Variants in DMRT1 observed in about 807,000 individuals in gnomAD.
DMRT1 encodes the protein doublesex- and mab-3-related transcription factor 1.
In DMRT1, 7 loss-of-function variants were observed where a neutral mutation model predicts 32.3. The ratio of observed to expected loss-of-function variants is 0.22; its 90% CI spans 0.12 to 0.41. The LOEUF is 0.41. DMRT1 is among the 10% of genes least tolerant of loss of function. DMRT1 has a pLI of 1.00. For missense variants in DMRT1, 625 were observed against 500.5 expected (o/e 1.25, Z -2.37); for synonymous variants, 278 against 206.1 (o/e 1.35, Z -2.99).
chr9:910,405 A>G (rs543508628), intron 3 of DMRT1, among the ~76,000 whole-genome samples: 2 of 152,206 alleles, frequency 1.3e-5, no homozygotes, highest in East Asian at 1.9e-4. Context: ...CTAGATGACA[A>G]TTTGGTCTTC....
chr9:874,792 C>G (rs36063569), intron 2 of DMRT1, among the ~76,000 whole-genome samples: 34,738 of 145,626 alleles, frequency 0.24, 4,435 homozygotes, highest in East Asian at 0.39. Flanking sequence ...ACAACAACAA[C>G]AAGTTAATCT....
chr9:850,627 T>G (rs1260903446), intron 2 of DMRT1, among the ~76,000 whole-genome samples: 1 of 152,208 alleles, frequency 6.6e-6, no homozygotes, highest in Non-Finnish European at 1.5e-5. Context: ...TAATATAAAA[T>G]ATTTGCATAA....
chr9:861,708 G>A (rs1333661151), intron 2 of DMRT1, among the ~76,000 whole-genome samples: 2 of 151,548 alleles, frequency 1.3e-5, no homozygotes, highest in African/African-American at 2.4e-5. Context: ...CCTCCCAGAC[G>A]GGGCGGCTGG....
At chr9:869,042 C>G (rs1348158698) in intron 2 of DMRT1, among the ~76,000 whole-genome samples, 3 of 152,114 alleles carry the variant, frequency 2.0e-5, no homozygotes, top group African/African-American at 7.2e-5. Context: ...TAAAAGTTAG[C>G]ATCCTTTATA....
chr9:965,097 T>G lies in DMRT1; in HGVS notation c.968-2888T>G, dbSNP rs993303653. Among the ~76,000 whole-genome samples, 2 of 152,172 alleles carry G rather than the reference T, an allele frequency of 1.3e-5. No homozygotes were observed. Among genetic ancestry groups the G allele is most frequent in the African/African-American group, 2.4e-5 (1 of 41,450 alleles). ...AAAGTTTAAGGAAGCTGCATTAAAA[T>G]GGAAAAGGTACCTCTGAGGGACGAT... is the stretch of plus-strand genomic sequence containing the variant. On this transcript the variant is annotated intron_variant, in intron 4 of 4. Coordinates refer to ENST00000382276, the MANE Select transcript of DMRT1 (RefSeq NM_021951.3). This position sits in a 1 kb window ranked among gnomAD's most constrained non-coding sequence, Gnocchi z 4.5.
intron 3 of DMRT1, among the ~76,000 whole-genome samples, chr9:908,610 A>T (rs1209617397): frequency 3.3e-5 from 5 of 151,832 alleles, no homozygotes; most frequent in Admixed American, 6.6e-5. Context: ...GGTTCACCTT[A>T]GGGCTGTTGT....
chr9:845,728 C>G (rs1262307885), intron 1 of DMRT1, among the ~76,000 whole-genome samples: 1 of 152,174 alleles, frequency 6.6e-6, no homozygotes, highest in East Asian at 1.9e-4. Context: ...CGCATGCTCC[C>G]TCCACCCCAG....
At chr9:908,465 T>C (rs548748575) in intron 3 of DMRT1, among the ~76,000 whole-genome samples, 20,600 of 151,290 alleles carry the variant, frequency 0.14, 1,880 homozygotes, top group African/African-American at 0.26. Flanking sequence ...CTAAAAATGT[T>C]TTTTTAAAAA....
At chr9:850,387 T>G (rs1839094702) in intron 2 of DMRT1, among the ~76,000 whole-genome samples, 1 of 152,192 alleles carries the variant, frequency 6.6e-6, no homozygotes, top group Non-Finnish European at 1.5e-5. Flanking sequence ...CAAAGGGAGC[T>G]TCTTAGATAG....
intron 4 of DMRT1, among the ~76,000 whole-genome samples, chr9:929,469 ATGT>A (rs1314417006): frequency 1.3e-5 from 2 of 152,030 alleles, no homozygotes; most frequent in Admixed American, 6.6e-5. Context: ...ATTTTGATTG[ATGT>A]TGTTTAGTAA....
intron 3 of DMRT1, among the ~76,000 whole-genome samples, chr9:902,158 C>T (rs974856903): frequency 6.6e-6 from 1 of 151,766 alleles, no homozygotes; most frequent in Non-Finnish European, 1.5e-5. Flanking sequence ...GATCCGCCCC[C>T]CTCAGCCTCC....
chr9:944,920 A>T (rs1283334592), intron 4 of DMRT1, among the ~76,000 whole-genome samples: 1 of 152,016 alleles, frequency 6.6e-6, no homozygotes, highest in Non-Finnish European at 1.5e-5. Context: ...TAATTTGGTA[A>T]ATCTAGTTGC....
intron 4 of DMRT1, among the ~76,000 whole-genome samples, chr9:956,151 A>C (rs546115880): frequency 2.0e-5 from 3 of 152,212 alleles, no homozygotes; most frequent in Non-Finnish European, 4.4e-5. Context: ...ACGTTATGCT[A>C]AGTAAAATAA....
At chr9:919,549 A>G (rs543515696) in intron 4 of DMRT1, among the ~76,000 whole-genome samples, 2 of 152,304 alleles carry the variant, frequency 1.3e-5, no homozygotes, top group Admixed American at 6.5e-5. Flanking sequence ...AGGGTAGGTC[A>G]GAGAGATGGT....
At chr9:903,371 TC>T (rs1233172514) in intron 3 of DMRT1, among the ~76,000 whole-genome samples, 2 of 152,122 alleles carry the variant, frequency 1.3e-5, no homozygotes, top group Non-Finnish European at 2.9e-5. Flanking sequence ...ACCAAGGAGT[TC>T]CTATTTTGTC....
At chr9:849,732 G>T (rs1182135540) in intron 2 of DMRT1, among the ~76,000 whole-genome samples, 1 of 152,190 alleles carries the variant, frequency 6.6e-6, no homozygotes, top group East Asian at 1.9e-4. Flanking sequence ...GCATGTGGAA[G>T]CCTACAGCGT....
At chr9:962,831 T>C (rs925294979) in intron 4 of DMRT1, among the ~76,000 whole-genome samples, 5 of 152,256 alleles carry the variant, frequency 3.3e-5, no homozygotes, top group Admixed American at 2.6e-4. Flanking sequence ...TCACTTAGTT[T>C]CACAAGCAGC....
At chr9:845,021 C>T (rs1838847601) in intron 1 of DMRT1, among the ~76,000 whole-genome samples, 1 of 152,020 alleles carries the variant, frequency 6.6e-6, no homozygotes, top group African/African-American at 2.4e-5. Context: ...TGCGCCCGGC[C>T]TGTAGTTGTG....
rs151136615 is a variant in DMRT1 at position 928,992 on chromosome 9, C to G, written c.967+12085C>G. Among the ~76,000 whole-genome samples, 1,416 of 152,008 alleles carry G rather than the reference C, an allele frequency of 9.3e-3. 24 individuals carry two copies. Among genetic ancestry groups the G allele is most frequent in the African/African-American group, 0.033 (1,365 of 41,446 alleles). ...AGCTGGGACTACAGGTGCATGCTAC[C>G]AAGCCTGGCTAATTTTTTGTATTTT... On this transcript the variant is annotated intron_variant, in intron 4 of 4. Coordinates refer to ENST00000382276, the MANE Select transcript of DMRT1 (RefSeq NM_021951.3).
Sources: gnomAD v4.1 joint callset for allele counts (sites outside exome capture counted in the v4.1 genomes callset) on GRCh38, gnomAD v4.1.1 for gene constraint, Gnocchi (gnomAD v3.1) non-coding constraint, MANE v1.5 for transcripts, NCBI Gene and HGNC (gene_info 2026-07-23, HGNC 2026-07-21) for gene names.